The following ZNF804B variants were observed in gnomAD, a reference collection of about 807,000 sequenced individuals.
ZNF804B encodes zinc finger protein 804B, also known as zinc finger 804B.
In ZNF804B, 80 loss-of-function variants were observed where a neutral mutation model predicts 101.4. The ratio of observed to expected loss-of-function variants is 0.79; its 90% CI spans 0.66 to 0.95. ZNF804B has a LOEUF of 0.95. ZNF804B is among the 40% of genes least tolerant of loss of function. The probability of loss-of-function intolerance (pLI) is 0.00; values close to 1 mark genes in which losing one functional copy is unlikely to be tolerated. For missense variants in ZNF804B, 1,673 were observed against 1,561.9 expected (o/e 1.07, Z -1.20); for synonymous variants, 622 against 558.8 (o/e 1.11, Z -1.59).
At chr7:88,916,939 T>C (rs1277532771) in intron 1 of ZNF804B, among the ~76,000 whole-genome samples, 2 of 152,070 alleles carry the variant, frequency 1.3e-5, no homozygotes, top group Non-Finnish European at 2.9e-5. Context: ...CTAGAAGCTT[T>C]AAAATTAGCT....
chr7:89,246,493 C>T (rs1789449247), intron 2 of ZNF804B, among the ~76,000 whole-genome samples: 1 of 152,114 alleles, frequency 6.6e-6, no homozygotes, highest in Admixed American at 6.5e-5. Context: ...GCATTTGAAG[C>T]AGCTACTCAT....
At chr7:89,015,628 T>C (rs1185025716) in intron 1 of ZNF804B, among the ~76,000 whole-genome samples, 1 of 152,132 alleles carries the variant, frequency 6.6e-6, no homozygotes, top group Non-Finnish European at 1.5e-5. Flanking sequence ...AGAATGATGA[T>C]TTCCAATTTC....
intron 1 of ZNF804B, among the ~76,000 whole-genome samples, chr7:89,094,533 TACAC>T (rs1789941638): frequency 6.6e-6 from 1 of 152,112 alleles, no homozygotes; most frequent in African/African-American, 2.4e-5. Context: ...AAGATATGGG[TACAC>T]TCACTTTTTT....
chr7:89,008,920 T>C (rs1788411420), intron 1 of ZNF804B, among the ~76,000 whole-genome samples: 1 of 152,174 alleles, frequency 6.6e-6, no homozygotes, highest in South Asian at 2.1e-4. Flanking sequence ...CTTGAACATG[T>C]TCAGGTTTCT....
At chr7:89,151,826 T>A (rs1790881510) in intron 1 of ZNF804B, among the ~76,000 whole-genome samples, 1 of 152,020 alleles carries the variant, frequency 6.6e-6, no homozygotes, top group South Asian at 2.1e-4. Flanking sequence ...TACATGAAAA[T>A]TCACACTCAT....
chr7:89,196,683 C>G (rs1303264479), intron 1 of ZNF804B, among the ~76,000 whole-genome samples: 3 of 152,010 alleles, frequency 2.0e-5, no homozygotes, highest in Non-Finnish European at 2.9e-5. Context: ...TCAGAGTGAA[C>G]AGACAACCTA....
chr7:89,199,132 T>C (rs34822918), intron 1 of ZNF804B, among the ~76,000 whole-genome samples: 18,519 of 151,776 alleles, frequency 0.12, 1,218 homozygotes, highest in Middle Eastern at 0.25. Flanking sequence ...AGTGTATCAC[T>C]CAGTTGGGTA....
chr7:89,155,295 G>C (rs1054648158), intron 1 of ZNF804B, among the ~76,000 whole-genome samples: 5 of 152,096 alleles, frequency 3.3e-5, no homozygotes, highest in Non-Finnish European at 5.9e-5. Context: ...AAGAAAAAAG[G>C]AGTTAGCTCA....
intron 2 of ZNF804B, among the ~76,000 whole-genome samples, chr7:89,293,985 A>AT (rs1464710694): frequency 6.6e-6 from 1 of 152,128 alleles, no homozygotes; most frequent in Non-Finnish European, 1.5e-5. Flanking sequence ...TTTAGCTGAA[A>AT]TTGTCCTACC....
At chr7:89,065,149 A>G (rs988962300) in intron 1 of ZNF804B, among the ~76,000 whole-genome samples, 3 of 152,190 alleles carry the variant, frequency 2.0e-5, no homozygotes, top group African/African-American at 7.2e-5. Flanking sequence ...AGCTTGCCAG[A>G]GCAGCCCCTC....
At chr7:89,242,078 T>G (rs543696841) in intron 2 of ZNF804B, among the ~76,000 whole-genome samples, 162 of 152,068 alleles carry the variant, frequency 1.1e-3, no homozygotes, top group African/African-American at 3.6e-3. Context: ...CTTTTAATAT[T>G]TATTTCAATC....
chr7:89,212,454 A>G (rs932533754), intron 1 of ZNF804B, among the ~76,000 whole-genome samples: 4 of 152,178 alleles, frequency 2.6e-5, no homozygotes, highest in Admixed American at 2.6e-4. Flanking sequence ...ATGGGAGATA[A>G]CCTGGAGAAA....
At chr7:88,858,664 C>T (rs1003016218) in intron 1 of ZNF804B, among the ~76,000 whole-genome samples, 3 of 152,020 alleles carry the variant, frequency 2.0e-5, no homozygotes, top group Admixed American at 6.6e-5. Flanking sequence ...TAAAAAATCT[C>T]GTTAACAGAA....
At chr7:89,271,883 G>C (rs1789903247) in intron 2 of ZNF804B, among the ~76,000 whole-genome samples, 1 of 151,962 alleles carries the variant, frequency 6.6e-6, no homozygotes. Flanking sequence ...TTCTCTAATG[G>C]TAGTTTGTAT....
intron 2 of ZNF804B, among the ~76,000 whole-genome samples, chr7:89,327,132 G>A (rs1790908130): frequency 6.8e-6 from 1 of 145,992 alleles, no homozygotes; most frequent in South Asian, 2.1e-4. Flanking sequence ...CAGTGACTGT[G>A]ACAAGCTTGG....
At chr7:89,206,850 T>G (rs892904802) in intron 1 of ZNF804B, among the ~76,000 whole-genome samples, 26 of 152,238 alleles carry the variant, frequency 1.7e-4, no homozygotes, top group African/African-American at 6.3e-4. Flanking sequence ...AAATTTCTTC[T>G]GCCAGATGCC....
intron 1 of ZNF804B, among the ~76,000 whole-genome samples, chr7:88,911,613 AT>A (rs1343720035): frequency 7.3e-5 from 11 of 151,510 alleles, no homozygotes; most frequent in Non-Finnish European, 1.6e-4. Context: ...TTAATCATTT[AT>A]TCTATTGATG....
At chr7:89,269,331 G>C (rs760318445) in intron 2 of ZNF804B, among the ~76,000 whole-genome samples, 1 of 151,934 alleles carries the variant, frequency 6.6e-6, no homozygotes, top group Non-Finnish European at 1.5e-5. Flanking sequence ...TTTTGTCCTT[G>C]TGATAGTTTG....
chr7:88,976,388 G>A lies in ZNF804B; in HGVS notation c.108+216304G>A, dbSNP rs1304150967. Among the ~76,000 whole-genome samples, 3 of 151,506 alleles carry A rather than the reference G, an allele frequency of 2.0e-5. No homozygotes were observed. The East Asian group carries it at 5.9e-4, about 30-fold the overall frequency. On this transcript the variant is annotated intron_variant, in intron 1 of 3. Coordinates refer to ENST00000333190, the MANE Select transcript of ZNF804B (RefSeq NM_181646.5). ...TTGTTTCTTCCCATTTATAAAGATG[G>A]AATATTTTTCCATTTTTTGTGTCCT...
Sources: gnomAD v4.1 joint callset for allele counts (sites outside exome capture counted in the v4.1 genomes callset) on GRCh38, gnomAD v4.1.1 for gene constraint, MANE v1.5 for transcripts, NCBI Gene and HGNC (gene_info 2026-07-23, HGNC 2026-07-21) for gene names.